The following UMAD1 variants were observed in gnomAD, a reference collection of about 807,000 sequenced individuals.
UMAD1 encodes the protein UBAP1-MVB12-associated (UMA) domain containing 1.
A neutral mutation model predicts 6.1 loss-of-function variants in UMAD1; 8 were observed. The ratio of observed to expected loss-of-function variants is 1.30; its 90% CI spans 0.76 to 2.35. UMAD1 has a LOEUF of 2.35. UMAD1 is among the 30% of genes most tolerant of loss of function. UMAD1 has a pLI of 0.00. For missense variants in UMAD1, 130 were observed against 78.4 expected (o/e 1.66, Z -2.49); for synonymous variants, 56 against 31.4 (o/e 1.78, Z -2.61).
chr7:7,685,607 C>T (rs371881078), intron 2 of UMAD1, among the ~76,000 whole-genome samples: 83 of 152,302 alleles, frequency 5.4e-4, no homozygotes, highest in African/African-American at 1.9e-3. Flanking sequence ...CGTGCCCGGC[C>T]ACATTAATCT....
intron 2 of UMAD1, among the ~76,000 whole-genome samples, chr7:7,690,669 A>C (rs916092329): frequency 6.6e-6 from 1 of 152,182 alleles, no homozygotes; most frequent in African/African-American, 2.4e-5. Flanking sequence ...AGAATACTTT[A>C]ATATATCTAA....
intron 2 of UMAD1, among the ~76,000 whole-genome samples, chr7:7,753,920 A>T (rs560260452): frequency 5.6e-4 from 85 of 152,258 alleles, no homozygotes; most frequent in African/African-American, 1.9e-3. Context: ...GTGGTGGCTC[A>T]TTCCTGTAAT....
chr7:7,736,747 C>T (rs1781367807), intron 2 of UMAD1: 1 of 152,350 alleles, frequency 6.6e-6, no homozygotes, highest in Non-Finnish European at 1.5e-5. Context: ...AAATAAGAAG[C>T]AACAGACTCA....
At position 7,678,363 on chromosome 7, in the gene UMAD1, C is replaced by A. The variant is rs111643520; in HGVS notation, c.82+4910C>A. 3.0e-3 allele frequency among the ~76,000 whole-genome samples: 446 copies of A among 146,676 alleles called. 1 individual carries two copies. The highest frequency in any genetic ancestry group is 0.011 in the African/African-American group (428 of 39,868). The stretch of plus-strand genomic sequence containing the variant: ...CAATATTGAACGTTTTTTTAATATG[C>A]CTATTGGTCATTTTGTATGTCTTGA... On this transcript the variant is annotated intron_variant, in intron 2 of 3. Coordinates refer to ENST00000682710, the MANE Select transcript of UMAD1 (RefSeq NM_001302348.2).
chr7:7,724,019 T>A (rs1032719509), intron 2 of UMAD1, among the ~76,000 whole-genome samples: 2 of 152,110 alleles, frequency 1.3e-5, no homozygotes, highest in African/African-American at 4.8e-5. Context: ...ATTGAGCCAG[T>A]TTACAGACCC....
chr7:7,855,363 A>T (rs1300762270), intron 3 of UMAD1, among the ~76,000 whole-genome samples: 1 of 152,240 alleles, frequency 6.6e-6, no homozygotes, highest in African/African-American at 2.4e-5. Context: ...CTGTCTGGAC[A>T]TCCAGGAGTT....
At chr7:7,732,200 A>G (rs1195867962) in intron 2 of UMAD1, among the ~76,000 whole-genome samples, 2 of 152,012 alleles carry the variant, frequency 1.3e-5, no homozygotes, top group African/African-American at 4.8e-5. Context: ...TAGCCAACTG[A>G]TATGTTTTTG....
At chr7:7,861,571 A>G (rs970437764) in intron 3 of UMAD1, among the ~76,000 whole-genome samples, 4 of 152,214 alleles carry the variant, frequency 2.6e-5, no homozygotes, top group Non-Finnish European at 5.9e-5. Context: ...TCATACGCCC[A>G]TTGGAATTTA....
intron 2 of UMAD1, among the ~76,000 whole-genome samples, chr7:7,777,275 G>A (rs548716246): frequency 6.6e-6 from 1 of 151,980 alleles, no homozygotes; most frequent in Non-Finnish European, 1.5e-5. Context: ...GGGTGGCTGA[G>A]GCGGGCAAAT....
chr7:7,655,629 T>C (rs1264961870), intron 1 of UMAD1, among the ~76,000 whole-genome samples: 5 of 152,208 alleles, frequency 3.3e-5, no homozygotes, highest in African/African-American at 1.2e-4. Flanking sequence ...TAAGGTTATA[T>C]TAGAGAAGTT....
intron 2 of UMAD1, among the ~76,000 whole-genome samples, chr7:7,706,832 A>G (rs1445818759): frequency 6.6e-6 from 1 of 152,084 alleles, no homozygotes; most frequent in African/African-American, 2.4e-5. Flanking sequence ...TGGTTTTGTT[A>G]TTTTTTGGAT....
intron 1 of UMAD1, among the ~76,000 whole-genome samples, chr7:7,659,754 G>A (rs1785429372): frequency 6.6e-6 from 1 of 152,176 alleles, no homozygotes; most frequent in African/African-American, 2.4e-5. Flanking sequence ...GTATGATGTG[G>A]TGCTGAGAAG....
chr7:7,715,909 G>A (rs1314297533), intron 2 of UMAD1, among the ~76,000 whole-genome samples: 3 of 152,152 alleles, frequency 2.0e-5, no homozygotes, highest in South Asian at 4.1e-4. Context: ...CTAAACTTTG[G>A]TGAAAACTAT....
intron 3 of UMAD1, among the ~76,000 whole-genome samples, chr7:7,829,407 C>G (rs955140758): frequency 4.0e-5 from 6 of 151,832 alleles, no homozygotes; most frequent in African/African-American, 1.5e-4. Flanking sequence ...CTACTTTGAT[C>G]ATAGTTTTGT....
At chr7:7,644,931 C>G (rs895567746) in intron 1 of UMAD1, among the ~76,000 whole-genome samples, 2 of 152,196 alleles carry the variant, frequency 1.3e-5, no homozygotes, top group Admixed American at 6.5e-5. Context: ...AATGTCAACT[C>G]TTACTATCCT....
intron 1 of UMAD1, among the ~76,000 whole-genome samples, chr7:7,661,459 G>T (rs150053101): frequency 6.6e-6 from 1 of 152,182 alleles, no homozygotes; most frequent in African/African-American, 2.4e-5. Flanking sequence ...TCTACCTTTG[G>T]CCTTTGATGC....
intron 2 of UMAD1, among the ~76,000 whole-genome samples, chr7:7,679,785 G>C (rs758941191): frequency 6.7e-6 from 1 of 148,390 alleles, no homozygotes; most frequent in Non-Finnish European, 1.5e-5. Flanking sequence ...GGCCACTTTC[G>C]AACTCTTAGG....
intron 3 of UMAD1, among the ~76,000 whole-genome samples, chr7:7,817,410 A>AG: frequency 2.0e-5 from 3 of 152,360 alleles, no homozygotes; most frequent in Admixed American, 2.0e-4. Flanking sequence ...TTGTTATCTA[A>AG]GTATTACTCT....
At chr7:7,829,930 T>G (rs1195938194) in intron 3 of UMAD1, among the ~76,000 whole-genome samples, 1 of 152,194 alleles carries the variant, frequency 6.6e-6, no homozygotes, top group African/African-American at 2.4e-5. Flanking sequence ...TGTCCTCTCC[T>G]TTACCTTTCC....
Sources: allele counts gnomAD v4.1 joint callset (sites outside exome capture counted in the v4.1 genomes callset), GRCh38; gene constraint gnomAD v4.1.1; transcripts MANE v1.5; gene names NCBI Gene and HGNC (gene_info 2026-07-23, HGNC 2026-07-21).